Variants in SLCO6A1 observed in about 807,000 individuals in gnomAD.
SLCO6A1 encodes the protein cancer/testis antigen 48.
Under a neutral mutation model 72.7 loss-of-function variants are expected in SLCO6A1, and 65 were observed. That is an observed-to-expected ratio of 0.89 (90% confidence interval 0.73 to 1.10). The LOEUF (loss-of-function observed/expected upper bound fraction) is 1.10. Ranked by LOEUF, SLCO6A1 falls within the 50% of genes least tolerant of loss-of-function variation. The pLI is 0.00. For synonymous variants in SLCO6A1, 314 were observed against 298.2 expected (o/e 1.05, Z -0.55); for missense variants, 874 against 872.6 (o/e 1.00, Z -0.02).
intron 4 of SLCO6A1, 99 bp from the exon 5 acceptor site, chr5:102,459,876 A>ACC: frequency 9.7e-7 from 1 of 1,025,996 alleles, no homozygotes; most frequent in Non-Finnish European, 1.4e-6. Context: ...TGAGAGAGGG[A>ACC]GGGTTGGAGA....
At chr5:102,387,693 T>C (rs1330783916) in intron 12 of SLCO6A1, among the ~76,000 whole-genome samples, 1 of 152,172 alleles carries the variant, frequency 6.6e-6, no homozygotes, top group Non-Finnish European at 1.5e-5. Flanking sequence ...AAGTCTATCA[T>C]TATGGTTTTT....
intron 11 of SLCO6A1, among the ~76,000 whole-genome samples, chr5:102,389,052 T>C (rs961687904): frequency 6.6e-6 from 1 of 152,204 alleles, no homozygotes; most frequent in Non-Finnish European, 1.5e-5. Flanking sequence ...TAGTTTTGCT[T>C]CTGTTTAGAA....
intron 9 of SLCO6A1, among the ~76,000 whole-genome samples, chr5:102,402,857 T>G (rs1747473271): frequency 6.6e-6 from 1 of 152,190 alleles, no homozygotes; most frequent in Non-Finnish European, 1.5e-5. Context: ...TTATAAAATA[T>G]CAACTTTTGC....
At chr5:102,453,172 G>C (rs987456010) in intron 6 of SLCO6A1, among the ~76,000 whole-genome samples, 2 of 151,780 alleles carry the variant, frequency 1.3e-5, no homozygotes, top group South Asian at 4.2e-4. Flanking sequence ...GACCAGCCTG[G>C]GCAACATAGT....
At chr5:102,396,608 C>T (rs1243865226) in intron 10 of SLCO6A1, among the ~76,000 whole-genome samples, 1 of 152,108 alleles carries the variant, frequency 6.6e-6, no homozygotes, top group Non-Finnish European at 1.5e-5. Context: ...CAAGACACAT[C>T]TTTGCTCTTT....
intron 1 of SLCO6A1, among the ~76,000 whole-genome samples, chr5:102,491,342 T>C (rs150281864): frequency 0.017 from 2,610 of 152,344 alleles, 34 homozygotes; most frequent in African/African-American, 0.033. Flanking sequence ...GTGGATCCCC[T>C]ACCGGGGCCG....
At chr5:102,391,785 C>G (rs1746774843) in intron 10 of SLCO6A1, among the ~76,000 whole-genome samples, 1 of 152,078 alleles carries the variant, frequency 6.6e-6, no homozygotes, top group Non-Finnish European at 1.5e-5. Flanking sequence ...CCCCCTCTTT[C>G]ATGTTTGACC....
intron 12 of SLCO6A1, among the ~76,000 whole-genome samples, chr5:102,378,613 A>G (rs187160915): frequency 2.8e-4 from 42 of 152,280 alleles, no homozygotes; most frequent in Non-Finnish European, 4.6e-4. Flanking sequence ...GTGGAATTAT[A>G]TAGGGCCTAC....
At chr5:102,374,996 C>T (rs1017348205) in intron 12 of SLCO6A1, among the ~76,000 whole-genome samples, 72 of 151,892 alleles carry the variant, frequency 4.7e-4, no homozygotes, top group African/African-American at 1.7e-3. Context: ...TGGAGGTGAT[C>T]CGACTTTTGC....
chr5:102,438,432 T>C (rs1749662059), intron 7 of SLCO6A1, 185 bp downstream of exon 7: 1 of 419,772 alleles, frequency 2.4e-6, no homozygotes, highest in Non-Finnish European at 4.2e-6. Flanking sequence ...CACGGAAGTT[T>C]TTACAAGGAT....
At chr5:102,420,884 G>A (rs1167854633) in intron 7 of SLCO6A1, among the ~76,000 whole-genome samples, 1 of 152,150 alleles carries the variant, frequency 6.6e-6, no homozygotes, top group Non-Finnish European at 1.5e-5. Flanking sequence ...CAATGCAGAA[G>A]GTGAGTGATT....
chr5:102,459,721 AG>A lies in SLCO6A1; in HGVS notation c.955del (p.Leu319PhefsTer11). The A allele has an allele frequency of 1.9e-6, 3 of 1,612,062 alleles. No homozygotes were observed. Among genetic ancestry groups the A allele is most frequent in the Non-Finnish European group, 2.5e-6 (3 of 1,179,122 alleles). ...EWLWTWWINF[L>X]FAAVVAWCTL... Reference sequence around the variant, plus strand: ...ACACCATGCAACGACAGCGGCAAAAAGAAAATTAATCCACCAAGTCCATAGC... The same window carrying A: ...ACACCATGCAACGACAGCGGCAAAAAAAAATTAATCCACCAAGTCCATAGC... On this transcript the variant is annotated frameshift_variant, in exon 5 of 14. Coordinates refer to ENST00000506729, the MANE Select transcript of SLCO6A1 (RefSeq NM_173488.5). LOFTEE classifies it high-confidence loss of function.
intron 10 of SLCO6A1, among the ~76,000 whole-genome samples, chr5:102,396,016 C>G (rs1180184112): frequency 6.6e-6 from 1 of 151,930 alleles, no homozygotes; most frequent in Non-Finnish European, 1.5e-5. Flanking sequence ...ATGGTAGTTT[C>G]TTTTGCTGTG....
chr5:102,392,640 C>A (rs79468113), intron 10 of SLCO6A1, among the ~76,000 whole-genome samples: 3,512 of 151,920 alleles, frequency 0.023, 139 homozygotes, highest in African/African-American at 0.08. Flanking sequence ...ACAAAAATAG[C>A]TAAGAAATAC....
intron 6 of SLCO6A1, among the ~76,000 whole-genome samples, chr5:102,445,627 C>G (rs1750067457): frequency 6.6e-6 from 1 of 151,994 alleles, no homozygotes; most frequent in South Asian, 2.1e-4. Flanking sequence ...TTTTCAGAGT[C>G]TCCATCGTGT....
chr5:102,418,389 A>G (rs1748408966), intron 8 of SLCO6A1, among the ~76,000 whole-genome samples: 1 of 152,092 alleles, frequency 6.6e-6, no homozygotes. Context: ...GAAATTTGAA[A>G]AATTTTGGCC....
At chr5:102,498,195 T>TA (rs141099641) in intron 1 of SLCO6A1, among the ~76,000 whole-genome samples, 5 of 152,006 alleles carry the variant, frequency 3.3e-5, no homozygotes, top group Non-Finnish European at 5.9e-5. Context: ...ATTTGAGCAA[T>TA]AAAAAAACTC....
chr5:102,442,916 G>A (rs1749920578), intron 6 of SLCO6A1, among the ~76,000 whole-genome samples: 1 of 152,068 alleles, frequency 6.6e-6, no homozygotes, highest in African/African-American at 2.4e-5. Flanking sequence ...ACAAAAATTA[G>A]GCTGGGTGCA....
chr5:102,476,989 G>T (rs558296571), intron 3 of SLCO6A1, among the ~76,000 whole-genome samples: 1 of 151,996 alleles, frequency 6.6e-6, no homozygotes, highest in African/African-American at 2.4e-5. Context: ...CTTATTGTAG[G>T]ATACAGTGGC....
Sources: gnomAD v4.1 joint callset for allele counts (sites outside exome capture counted in the v4.1 genomes callset) on GRCh38, gnomAD v4.1.1 for gene constraint, MANE v1.5 for transcripts, NCBI Gene and HGNC (gene_info 2026-07-23, HGNC 2026-07-21) for gene names.